The following CCDC146 variants were observed in gnomAD, a reference collection of about 807,000 sequenced individuals.
CCDC146 encodes coiled-coil domain-containing protein 146.
In CCDC146, 92 loss-of-function variants were observed where a neutral mutation model predicts 119.3. That is an observed-to-expected ratio of 0.77 (90% confidence interval 0.65 to 0.92). The LOEUF (loss-of-function observed/expected upper bound fraction) is 0.92. Ranked by LOEUF, CCDC146 falls within the 40% of genes least tolerant of loss-of-function variation. The pLI, the probability that CCDC146 is intolerant of heterozygous loss-of-function variation, is 0.00. For synonymous variants in CCDC146, 372 were observed against 371.8 expected (o/e 1.00, Z -0.01); for missense variants, 1,000 against 1,103.0 (o/e 0.91, Z 1.32).
At chr7:77,220,325 T>C (rs1251909767) in intron 2 of CCDC146, among the ~76,000 whole-genome samples, 1 of 152,228 alleles carries the variant, frequency 6.6e-6, no homozygotes, top group Non-Finnish European at 1.5e-5. Flanking sequence ...TATGGTTGTC[T>C]TCCTTGTTCC....
At chr7:77,236,821 A>C (rs1234172600) in intron 2 of CCDC146, 126 bp from the exon 3 acceptor site, 3 of 691,942 alleles carry the variant, frequency 4.3e-6, no homozygotes, top group Non-Finnish European at 7.6e-6. Context: ...CCAGTACACT[A>C]CATTGCCTCG....
intron 1 of CCDC146, among the ~76,000 whole-genome samples, chr7:77,140,096 T>A (rs1790912367): frequency 6.6e-6 from 1 of 151,936 alleles, no homozygotes; most frequent in South Asian, 2.1e-4. Flanking sequence ...GGTTTCACCA[T>A]GTTGGCCAGG....
intron 2 of CCDC146, among the ~76,000 whole-genome samples, chr7:77,233,238 G>A (rs1455237351): frequency 4.0e-5 from 6 of 151,850 alleles, no homozygotes; most frequent in South Asian, 2.1e-4. Context: ...ACAGGCATGC[G>A]CCACCATGCC....
At chr7:77,290,332 A>T (rs914387157) in intron 17 of CCDC146, among the ~76,000 whole-genome samples, 2 of 152,114 alleles carry the variant, frequency 1.3e-5, no homozygotes, top group Non-Finnish European at 2.9e-5. Flanking sequence ...CATATGTAAC[A>T]AATCTGCACG....
chr7:77,192,126 C>T (rs1791778149), intron 2 of CCDC146, among the ~76,000 whole-genome samples: 1 of 151,936 alleles, frequency 6.6e-6, no homozygotes. Flanking sequence ...GGGGTTTCAC[C>T]ATGTTGGCCA....
chr7:77,290,709 C>T (rs910525637), intron 17 of CCDC146, among the ~76,000 whole-genome samples: 1 of 141,222 alleles, frequency 7.1e-6, no homozygotes, highest in African/African-American at 2.9e-5. Flanking sequence ...TTATTTGATA[C>T]ATGCTGCTTA....
At position 77,270,787 on chromosome 7, in the gene CCDC146, C is replaced by A. The variant is rs1336389448; in HGVS notation, c.1174-2907C>A. Among the ~76,000 whole-genome samples, 8 of 152,310 alleles carry A rather than the reference C, an allele frequency of 5.3e-5. No homozygotes were observed. In the East Asian group the frequency reaches 1.2e-3, roughly 22 times the overall value. On this transcript the variant is annotated intron_variant, in intron 9 of 18. Coordinates refer to ENST00000285871, the MANE Select transcript of CCDC146 (RefSeq NM_020879.3). ...GGATCCTTTTAGCTCCCCTTTCAGT[C>A]AACCTTAGTGTGTACATTGTTTCTC...
At chr7:77,245,951 G>C (rs541958339) in intron 4 of CCDC146, among the ~76,000 whole-genome samples, 1 of 152,066 alleles carries the variant, frequency 6.6e-6, no homozygotes, top group East Asian at 1.9e-4. Flanking sequence ...TTCTCTGAAT[G>C]TGTTTCTCAT....
In CCDC146 at chr7:77,241,775, A is replaced by C. The variant is rs200590214; in HGVS notation, c.324A>C (p.Gln108His). The C allele has an allele frequency of 6.2e-7, 1 of 1,614,124 alleles. No homozygotes were observed. Among genetic ancestry groups the C allele is most frequent in the Non-Finnish European group, 8.5e-7 (1 of 1,180,036 alleles). ...AACAGCAGCAGTTTCACCTGCAGCAAGCTGATAATTTTCCAGAAGCATTCT... is the reference window on the plus strand; with the variant it reads ...AACAGCAGCAGTTTCACCTGCAGCACGCTGATAATTTTCCAGAAGCATTCT... ...QIQQQQFHLQQADNFPEAFST... is the reference protein window; with the variant it reads ...QIQQQQFHLQHADNFPEAFST... The change falls in exon 4 of 19, where the codon CAA becomes CAC. Residue 108 changes from glutamine to histidine, a missense_variant. By Grantham distance (24) the Gln-to-His change is conservative. Coordinates refer to ENST00000285871, the MANE Select transcript of CCDC146 (RefSeq NM_020879.3).
intron 2 of CCDC146, among the ~76,000 whole-genome samples, chr7:77,169,793 C>T (rs1043047029): frequency 3.7e-4 from 56 of 151,944 alleles, no homozygotes; most frequent in Non-Finnish European, 6.8e-4. Context: ...TTTTTTTGCT[C>T]CAGCCCTAGA....
At chr7:77,292,889 C>T (rs1793975760) in intron 17 of CCDC146, 63 bp from the exon 18 acceptor site, 1 of 1,532,556 alleles carries the variant, frequency 6.5e-7, no homozygotes, top group Admixed American at 2.1e-5. Flanking sequence ...CAGCCAGCAG[C>T]CTGCCATTTT....
chr7:77,180,856 GTC>G (rs1254454978), intron 2 of CCDC146, among the ~76,000 whole-genome samples: 2 of 152,176 alleles, frequency 1.3e-5, no homozygotes, highest in Non-Finnish European at 2.9e-5. Flanking sequence ...ATAAATGACT[GTC>G]TCTGTACTCA....
intron 11 of CCDC146, among the ~76,000 whole-genome samples, chr7:77,278,223 C>A (rs1793687655): frequency 6.6e-6 from 1 of 152,166 alleles, no homozygotes; most frequent in African/African-American, 2.4e-5. Context: ...GGTTCAAAAT[C>A]ACTCTTCCTC....
chr7:77,270,947 C>T (rs1346150614), intron 9 of CCDC146, among the ~76,000 whole-genome samples: 2 of 152,014 alleles, frequency 1.3e-5, no homozygotes, highest in Non-Finnish European at 2.9e-5. Flanking sequence ...TTCCCAGGAC[C>T]CCTCCTCACA....
intron 1 of CCDC146, among the ~76,000 whole-genome samples, chr7:77,145,885 G>GTA (rs1204486846): frequency 6.6e-6 from 1 of 152,140 alleles, no homozygotes; most frequent in Non-Finnish European, 1.5e-5. Context: ...TGAGAAGAAT[G>GTA]TATATTCTGT....
intron 2 of CCDC146, among the ~76,000 whole-genome samples, chr7:77,176,455 G>A (rs1404492709): frequency 7.3e-5 from 11 of 150,990 alleles, no homozygotes; most frequent in Non-Finnish European, 1.5e-4. Flanking sequence ...CTAAATTGAT[G>A]CTTGGCATTC....
intron 1 of CCDC146, among the ~76,000 whole-genome samples, chr7:77,131,259 A>G (rs1790782057): frequency 6.6e-6 from 1 of 151,956 alleles, no homozygotes. Flanking sequence ...AGGAAAAGTT[A>G]CCACCCCCAA....
At chr7:77,166,100 T>G (rs1562820806) in intron 1 of CCDC146, among the ~76,000 whole-genome samples, 1 of 152,240 alleles carries the variant, frequency 6.6e-6, no homozygotes, top group African/African-American at 2.4e-5. Context: ...TATAAGCAAG[T>G]GTTCTGGTGT....
chr7:77,248,690 C>T (rs1793000470), intron 4 of CCDC146, among the ~76,000 whole-genome samples: 1 of 152,164 alleles, frequency 6.6e-6, no homozygotes, highest in Admixed American at 6.5e-5. Context: ...TTCAGGAAAT[C>T]TGGTCAATAA....
Sources: gnomAD v4.1 joint callset for allele counts (sites outside exome capture counted in the v4.1 genomes callset) on GRCh38, gnomAD v4.1.1 for gene constraint, MANE v1.5 for transcripts, NCBI Gene and HGNC (gene_info 2026-07-23, HGNC 2026-07-21) for gene names.